TMA7B: variants seen among roughly 807,000 people sequenced by gnomAD.
The protein encoded by TMA7B is translation machinery associated 7 homolog B.
chr22:39,963,696 T>C, the TMA7B span, among the ~76,000 whole-genome samples: 1 of 152,148 alleles, frequency 6.6e-6, no homozygotes, highest in African/African-American at 2.4e-5. Flanking sequence ...CATCTCCTTC[T>C]TAACACAGGT....
the TMA7B span, among the ~76,000 whole-genome samples, chr22:39,961,941 T>C: frequency 1.3e-5 from 2 of 152,260 alleles, no homozygotes; most frequent in African/African-American, 4.8e-5. Flanking sequence ...ACAATTTGTA[T>C]GCATACATAC....
chr22:39,964,713 T>TG, the TMA7B span: 2 of 347,472 alleles, frequency 5.8e-6, no homozygotes, highest in Non-Finnish European at 9.7e-6. Context: ...AATAAACTTT[T>TG]GTAAAAAAAA....
the TMA7B span, among the ~76,000 whole-genome samples, chr22:39,961,749 C>T: frequency 6.6e-6 from 1 of 152,184 alleles, no homozygotes; most frequent in Non-Finnish European, 1.5e-5. Context: ...TACAGCAAAA[C>T]CTTACTGTCA....
chr22:39,962,616 G>A, the TMA7B span, among the ~76,000 whole-genome samples: 1 of 152,052 alleles, frequency 6.6e-6, no homozygotes, highest in African/African-American at 2.4e-5. Flanking sequence ...TGGTTTGCAT[G>A]AAGATGACTC....
chr22:39,962,113 C>T, the TMA7B span, among the ~76,000 whole-genome samples: 21 of 152,274 alleles, frequency 1.4e-4, no homozygotes, highest in African/African-American at 3.9e-4. Flanking sequence ...AATGAAATTT[C>T]GCTCCATTAA....
the TMA7B span, chr22:39,964,407 A>T: frequency 2.5e-6 from 2 of 808,912 alleles, no homozygotes; most frequent in Non-Finnish European, 4.2e-6. Flanking sequence ...AGAAGAAGGC[A>T]CTGAAACAGC....
At chr22:39,963,514 ATGAAGAAAGTATC>A in the TMA7B span, among the ~76,000 whole-genome samples, 13 of 152,330 alleles carry the variant, frequency 8.5e-5, no homozygotes, top group East Asian at 2.5e-3. Flanking sequence ...TTGTCTTAGA[ATGAAGAAAGTATC>A]TGTTGGTGGC....
chr22:39,964,156 A>G, the TMA7B span: 1 of 495,154 alleles, frequency 2.0e-6, no homozygotes, highest in Non-Finnish European at 3.5e-6. Flanking sequence ...TGTTTGAAAA[A>G]TAAACTTTAC....
the TMA7B span, among the ~76,000 whole-genome samples, chr22:39,962,960 T>A: frequency 3.3e-5 from 5 of 152,156 alleles, no homozygotes; most frequent in Admixed American, 1.3e-4. Flanking sequence ...CGACCCACTG[T>A]GCCCGGACCC....
the TMA7B span, among the ~76,000 whole-genome samples, chr22:39,962,114 G>T: frequency 6.6e-6 from 1 of 152,094 alleles, no homozygotes; most frequent in Non-Finnish European, 1.5e-5. Flanking sequence ...ATGAAATTTC[G>T]CTCCATTAAC....
chr22:39,962,410 GCAAGACCCTGTCT>G, the TMA7B span, among the ~76,000 whole-genome samples: 1 of 152,032 alleles, frequency 6.6e-6, no homozygotes, highest in African/African-American at 2.4e-5. Context: ...GGGTGACAGA[GCAAGACCCTGTCT>G]CAAGAGAAAA....
chr22:39,962,949 G>A, the TMA7B span, among the ~76,000 whole-genome samples: 28 of 152,116 alleles, frequency 1.8e-4, no homozygotes, highest in Non-Finnish European at 2.9e-4. Context: ...GATTACAGGC[G>A]CGACCCACTG....
chr22:39,960,402 A>G, the TMA7B span: 7 of 479,618 alleles, frequency 1.5e-5, no homozygotes, highest in Admixed American at 6.5e-5. Flanking sequence ...TTCTACGCCC[A>G]TCTGCCTCCC....
chr22:39,960,778 G>A, the TMA7B span: 2 of 152,548 alleles, frequency 1.3e-5, no homozygotes, highest in East Asian at 3.9e-4. Flanking sequence ...TCAAAGACTT[G>A]TGTGACACAG....
At chr22:39,964,717 A>G in the TMA7B span, 1 of 255,606 alleles carries the variant, frequency 3.9e-6, no homozygotes, top group Non-Finnish European at 7.4e-6. Flanking sequence ...AACTTTTGTA[A>G]AAAAAAAAAA....
At chr22:39,964,139 G>A in the TMA7B span, 8 of 475,430 alleles carry the variant, frequency 1.7e-5, no homozygotes, top group African/African-American at 1.2e-4. Context: ...AGATATAAAT[G>A]TATGTCTGTT....
chr22:39,963,149 T>C, the TMA7B span, among the ~76,000 whole-genome samples: 2 of 152,210 alleles, frequency 1.3e-5, no homozygotes, highest in African/African-American at 4.8e-5. Context: ...AGCAAAATCA[T>C]TATTAATTAT....
At chr22:39,964,336 C>A in the TMA7B span, 2 of 699,500 alleles carry the variant, frequency 2.9e-6, no homozygotes, top group South Asian at 3.0e-5. Flanking sequence ...AAGAAGTTAT[C>A]GTCCAGTGGC....
the TMA7B span, chr22:39,960,953 CTTTTTTTTTTTTT>C: frequency 7.6e-6 from 1 of 131,060 alleles, no homozygotes; most frequent in Admixed American, 7.9e-5. Flanking sequence ...CCCAAGTCTT[CTTTTTTTTTTTTT>C]TTTTTGGAGA....
Sources: allele counts gnomAD v4.1 joint callset (sites outside exome capture counted in the v4.1 genomes callset), GRCh38; gene constraint gnomAD v4.1.1; transcripts MANE v1.5; gene names NCBI Gene and HGNC (gene_info 2026-07-23, HGNC 2026-07-21).